KCNJ6: variants seen among roughly 807,000 people sequenced by gnomAD.
KCNJ6 encodes potassium inwardly rectifying channel subfamily J member 6.
Under a neutral mutation model 34.2 loss-of-function variants are expected in KCNJ6, and 9 were observed. The ratio of observed to expected loss-of-function variants is 0.26; its 90% CI spans 0.16 to 0.46. KCNJ6 has a LOEUF of 0.46. Among genes scored for constraint, KCNJ6 ranks in the 20% least tolerant of loss-of-function variants. The pLI, the probability that KCNJ6 is intolerant of heterozygous loss-of-function variation, is 1.00. For missense variants in KCNJ6, 236 were observed against 531.3 expected, an observed-to-expected ratio of 0.44 and a Z score of 5.46; for synonymous variants, 196 against 207.1, an observed-to-expected ratio of 0.95 and a Z score of 0.46.
intron 2 of KCNJ6, among the ~76,000 whole-genome samples, chr21:37,776,991 G>A (rs2055145797): frequency 6.6e-6 from 1 of 152,110 alleles, no homozygotes. Flanking sequence ...ACTTTTTTTG[G>A]TTGGTAAGCT....
At chr21:37,856,449 T>C (rs1208622771) in intron 1 of KCNJ6, among the ~76,000 whole-genome samples, 1 of 152,234 alleles carries the variant, frequency 6.6e-6, no homozygotes, top group East Asian at 1.9e-4. Context: ...CCAGCCTCTC[T>C]GTTCCTGGTT....
intron 2 of KCNJ6, among the ~76,000 whole-genome samples, chr21:37,737,349 A>G (rs2054918399): frequency 6.6e-6 from 1 of 152,158 alleles, no homozygotes. Context: ...GACAGTGGAA[A>G]TATTTGCATT....
intron 3 of KCNJ6, among the ~76,000 whole-genome samples, chr21:37,694,201 C>T (rs902314556): frequency 1.3e-5 from 2 of 152,180 alleles, no homozygotes; most frequent in African/African-American, 2.4e-5. Flanking sequence ...CCTGAAGGCA[C>T]TTTCTGCTGC....
chr21:37,843,992 T>C (rs1354369282), intron 1 of KCNJ6, among the ~76,000 whole-genome samples: 1 of 152,170 alleles, frequency 6.6e-6, no homozygotes, highest in Non-Finnish European at 1.5e-5. Flanking sequence ...CAGATTTGCA[T>C]ATCCTGCCTG....
In KCNJ6 at chr21:37,621,209, AG is replaced by A. The variant is rs1187968515; in HGVS notation, c.*3949del. On this transcript the variant is annotated 3_prime_UTR_variant, in exon 4 of 4. Coordinates refer to ENST00000609713, the MANE Select transcript of KCNJ6 (RefSeq NM_002240.5). ...ATCATACAGAGTATCACCCAAGTCA[AG>A]GAAAGAAAGACTGAAGAGTAGCCAG... 1 of 152,222 alleles carries A rather than the reference AG, an allele frequency of 6.6e-6. No individual in the cohort carries two copies. Among genetic ancestry groups the A allele is most frequent in the East Asian group, 1.9e-4 (1 of 5,206 alleles). The allele number at this position is 152,222 out of a possible 1,614,324, so 9.4% of individuals were successfully genotyped here. A position where few individuals can be genotyped will look rare whatever the true frequency, so the allele number is the denominator to read the frequency against.
intron 2 of KCNJ6, among the ~76,000 whole-genome samples, chr21:37,806,863 AT>A (rs1397806595): frequency 2.0e-5 from 3 of 152,210 alleles, no homozygotes; most frequent in Non-Finnish European, 4.4e-5. Context: ...TAACTAAGGA[AT>A]TTTTTGCATT....
In KCNJ6 at chr21:37,701,925, A is replaced by G. The variant is rs561923050; in HGVS notation, c.946+12286T>C. ...TAAGCAAGTGAGGTGATTTGCTCTG[A>G]TTTATGTCTTACTAAGAGTGCTCTG... On this transcript the variant is annotated intron_variant, in intron 3 of 3. Coordinates refer to ENST00000609713, the MANE Select transcript of KCNJ6 (RefSeq NM_002240.5). Among the ~76,000 whole-genome samples the G allele has an allele frequency of 4.7e-4, 71 of 152,244 alleles. 1 individual carries two copies. The highest frequency in any genetic ancestry group is 1.5e-3 in the African/African-American group (64 of 41,544).
intron 1 of KCNJ6, among the ~76,000 whole-genome samples, chr21:37,870,682 T>G (rs1376576609): frequency 1.3e-5 from 2 of 152,084 alleles, no homozygotes; most frequent in Non-Finnish European, 2.9e-5. Context: ...CAGTACAATG[T>G]ATGCCCAAAT....
chr21:37,623,024 T>A lies in KCNJ6; in HGVS notation c.*2135A>T, dbSNP rs2054295116. The A allele has an allele frequency of 1.3e-5, 2 of 152,104 alleles. No individual in the cohort carries two copies. Among genetic ancestry groups the A allele is most frequent in the South Asian group, 4.1e-4 (2 of 4,824 alleles). The allele number at this position is 152,104 out of a possible 1,614,324, so 9.4% of individuals were successfully genotyped here. A position where few individuals can be genotyped will look rare whatever the true frequency, so the allele number is the denominator to read the frequency against. ...TCCCCGCAGCCTCAAGGGGAGTGTA[T>A]CGAGCTTCCTCCTCCCGGACCACCA... On this transcript the variant is annotated 3_prime_UTR_variant, in exon 4 of 4. Transcript: ENST00000609713.
intron 2 of KCNJ6, chr21:37,717,248 G>A (rs1371313426): frequency 1.3e-5 from 2 of 154,092 alleles, no homozygotes; most frequent in Non-Finnish European, 2.9e-5. Context: ...AAGAAAATTT[G>A]CTTTTTTCCC....
At chr21:37,670,371 T>A (rs2054535923) in intron 3 of KCNJ6, among the ~76,000 whole-genome samples, 1 of 152,162 alleles carries the variant, frequency 6.6e-6, no homozygotes, top group Non-Finnish European at 1.5e-5. Context: ...CATATGAACT[T>A]GAGGATTGGG....
chr21:37,814,796 G>A (rs188595858), intron 2 of KCNJ6, among the ~76,000 whole-genome samples: 122 of 151,576 alleles, frequency 8.0e-4, no homozygotes, highest in Admixed American at 1.4e-3. Flanking sequence ...TACTGGGGAG[G>A]CTGAGGCAGG....
intron 3 of KCNJ6, among the ~76,000 whole-genome samples, chr21:37,629,603 G>A (rs184481493): frequency 9.9e-5 from 15 of 152,260 alleles, no homozygotes; most frequent in Admixed American, 5.9e-4. Flanking sequence ...ACAGAGGGAG[G>A]AGATGGCCAT....
At position 37,685,717 on chromosome 21, in the gene KCNJ6, A is replaced by G. The variant is rs1259716429; in HGVS notation, c.946+28494T>C. On this transcript the variant is annotated intron_variant, in intron 3 of 3. Coordinates refer to ENST00000609713, the MANE Select transcript of KCNJ6 (RefSeq NM_002240.5). ...AAAAAAAAAAAAAAAAATCTATCCTATGGATATCAGAGGTTTACTGCACTG... is the reference window on the plus strand; with the variant it reads ...AAAAAAAAAAAAAAAAATCTATCCTGTGGATATCAGAGGTTTACTGCACTG... Among the ~76,000 whole-genome samples the G allele has an allele frequency of 3.7e-5, 5 of 133,972 alleles. 1 individual carries two copies. The highest frequency in any genetic ancestry group is 1.3e-4 in the African/African-American group (5 of 37,182). The allele number at this position is 133,972 out of a possible 152,430, so 87.9% of individuals were successfully genotyped here.
chr21:37,818,611 G>A (rs750053413), intron 2 of KCNJ6, among the ~76,000 whole-genome samples: 3 of 152,088 alleles, frequency 2.0e-5, no homozygotes, highest in African/African-American at 4.8e-5. Context: ...TCTCCATAAC[G>A]ATAAGACTCG....
At chr21:37,781,528 G>A (rs543859579) in intron 2 of KCNJ6, among the ~76,000 whole-genome samples, 1 of 152,258 alleles carries the variant, frequency 6.6e-6, no homozygotes, top group East Asian at 1.9e-4. Context: ...CACTAATGAT[G>A]ACAACAATTA....
chr21:37,869,697 T>A (rs1039947258), intron 1 of KCNJ6, among the ~76,000 whole-genome samples: 4 of 152,232 alleles, frequency 2.6e-5, no homozygotes, highest in Non-Finnish European at 5.9e-5. Context: ...GGTGTCTTTA[T>A]CCTTGAATGA....
chr21:37,709,155 G>C (rs1288143271), intron 3 of KCNJ6, among the ~76,000 whole-genome samples: 1 of 152,156 alleles, frequency 6.6e-6, no homozygotes, highest in Non-Finnish European at 1.5e-5. Flanking sequence ...TTAAAGGAAA[G>C]GAAGAACTAA....
intron 1 of KCNJ6, among the ~76,000 whole-genome samples, chr21:37,872,513 C>T (rs1207427361): frequency 6.6e-6 from 1 of 152,188 alleles, no homozygotes; most frequent in East Asian, 1.9e-4. Context: ...GACTGATGAT[C>T]ATGGCTTAAT....
Sources: allele counts gnomAD v4.1 joint callset (sites outside exome capture counted in the v4.1 genomes callset), GRCh38; gene constraint gnomAD v4.1.1; transcripts MANE v1.5; gene names NCBI Gene and HGNC (gene_info 2026-07-23, HGNC 2026-07-21).